The following ROBO2 variants were observed in gnomAD, a reference collection of about 807,000 sequenced individuals.
ROBO2 encodes the protein roundabout guidance receptor 2.
A neutral mutation model predicts 160.8 loss-of-function variants in ROBO2; 53 were observed. That is an observed-to-expected ratio of 0.33 (90% CI 0.26 to 0.41). The LOEUF is 0.41. Among genes scored for constraint, ROBO2 ranks in the 10% least tolerant of loss-of-function variants. The probability of loss-of-function intolerance (pLI) is 1.00; values close to 1 mark genes in which losing one functional copy is unlikely to be tolerated. For synonymous variants in ROBO2, 664 were observed against 611.7 expected (o/e 1.09, Z -1.26); for missense variants, 1,577 against 1,722.4 (o/e 0.92, Z 1.49).
At chr3:77,310,145 T>A (rs544304549) in intron 2 of ROBO2, among the ~76,000 whole-genome samples, 1 of 152,314 alleles carries the variant, frequency 6.6e-6, no homozygotes, top group South Asian at 2.1e-4. Flanking sequence ...TTACGTTTCC[T>A]TTAATGGATC....
In ROBO2 at chr3:76,833,998, C is replaced by T. The variant is rs866738324; in HGVS notation, c.110-264016C>T. 6.7e-3 allele frequency among the ~76,000 whole-genome samples: 130 copies of T among 19,390 alleles called. No individual in the cohort carries two copies. In the Middle Eastern group the frequency reaches 0.068, roughly 10 times the overall value. 12.7% of individuals were successfully genotyped at this position (19,390 alleles called of 152,430 possible). ...TTTCTTTTCTTTCTTTCTTTCTTTC[C>T]TTCTTTCTTTCTTTCCTTTCTTTCT... is the stretch of plus-strand genomic sequence containing the variant. On this transcript the variant is annotated intron_variant, in intron 2 of 26. Transcript: ENST00000487694.
In ROBO2 at chr3:76,096,697, T is replaced by G. The variant is rs144816790; in HGVS notation, c.109+159095T>G. ...TGCAAAACACTTGGTTTTACCAGTA[T>G]TGTCTCATTTAATCCTTACTACAAC... On this transcript the variant is annotated intron_variant, in intron 2 of 26. Transcript: ENST00000487694. Among the ~76,000 whole-genome samples, 853 of 152,350 alleles carry G rather than the reference T, an allele frequency of 5.6e-3. 13 individuals carry two copies. Among genetic ancestry groups the G allele is most frequent in the African/African-American group, 0.02 (813 of 41,578 alleles).
intron 2 of ROBO2, among the ~76,000 whole-genome samples, chr3:76,639,145 T>C (rs1193139968): frequency 1.3e-5 from 2 of 152,146 alleles, no homozygotes; most frequent in Non-Finnish European, 2.9e-5. Flanking sequence ...TATATGTATC[T>C]ATACATATGT....
At chr3:75,947,674 G>A (rs1948363773) in intron 2 of ROBO2, among the ~76,000 whole-genome samples, 1 of 152,112 alleles carries the variant, frequency 6.6e-6, no homozygotes, top group Non-Finnish European at 1.5e-5. Context: ...ATTTAAGCCT[G>A]AGTATAACAG....
rs369035945 is a variant in ROBO2, at chr3:77,228,551, G to C, written c.388+130211G>C. 2.6e-5 allele frequency among the ~76,000 whole-genome samples: 4 copies of C among 151,900 alleles called. No homozygotes were observed. The East Asian group carries it at 7.7e-4, about 29-fold the overall frequency. On this transcript the variant is annotated intron_variant, in intron 2 of 25. Coordinates refer to ENST00000461745, the Ensembl canonical transcript of ROBO2. ...AACAATGAGAACATATGGGCAGAGG[G>C]AGGGGAACATCACACACTGGGACCT...
At chr3:77,592,315 T>A (rs1314949873) in intron 17 of ROBO2, among the ~76,000 whole-genome samples, 1 of 152,144 alleles carries the variant, frequency 6.6e-6, no homozygotes, top group African/African-American at 2.4e-5. Context: ...ATAGAATATT[T>A]TGACACCCTA....
At position 76,602,772 on chromosome 3, in the gene ROBO2, G is replaced by T. The variant is rs576339247; in HGVS notation, c.110-495242G>T. ...AGTTACAATTCAAGATGAGATTTGG[G>T]TGGGGACTCCCACTGGGTTCCTCCC... On this transcript the variant is annotated intron_variant, in intron 2 of 26. Coordinates refer to the ROBO2 transcript ENST00000487694. Among the ~76,000 whole-genome samples the T allele has an allele frequency of 1.2e-3, 187 of 151,996 alleles. 1 individual carries two copies. Among genetic ancestry groups the T allele is most frequent in the African/African-American group, 4.2e-3 (174 of 41,440 alleles).
intron 2 of ROBO2, among the ~76,000 whole-genome samples, chr3:77,340,728 T>C (rs2066971484): frequency 6.6e-6 from 1 of 152,156 alleles, no homozygotes; most frequent in Admixed American, 6.6e-5. Flanking sequence ...GGTCATATTT[T>C]GCCCATGAAG....
intron 2 of ROBO2, among the ~76,000 whole-genome samples, chr3:76,964,533 C>T (rs2079926712): frequency 6.6e-6 from 1 of 152,066 alleles, no homozygotes; most frequent in South Asian, 2.1e-4. Flanking sequence ...TTAGTAGAGA[C>T]AGGGTTTTAC....
At chr3:76,318,900 G>A (rs1238487553) in intron 2 of ROBO2, among the ~76,000 whole-genome samples, 1 of 152,138 alleles carries the variant, frequency 6.6e-6, no homozygotes. Context: ...GTAATAAGGT[G>A]TTTGCCCAAG....
intron 21 of ROBO2, among the ~76,000 whole-genome samples, chr3:77,613,255 A>G (rs1432072336): frequency 6.6e-6 from 1 of 151,498 alleles, no homozygotes; most frequent in Non-Finnish European, 1.5e-5. Context: ...GTATATCCCC[A>G]TTAGATTTTC....
chr3:77,274,956 A>C (rs1443530238), intron 2 of ROBO2, among the ~76,000 whole-genome samples: 1 of 152,126 alleles, frequency 6.6e-6, no homozygotes, highest in African/African-American at 2.4e-5. Context: ...AAATTTGAAG[A>C]AGTAGAGGAT....
chr3:76,309,159 G>A (rs942303951), intron 2 of ROBO2, among the ~76,000 whole-genome samples: 1 of 152,192 alleles, frequency 6.6e-6, no homozygotes, highest in Non-Finnish European at 1.5e-5. Flanking sequence ...GAAGTTGGTG[G>A]TGAGGGAGTT....
intron 2 of ROBO2, among the ~76,000 whole-genome samples, chr3:77,189,469 A>C (rs933262588): frequency 2.0e-5 from 3 of 152,020 alleles, no homozygotes; most frequent in Non-Finnish European, 4.4e-5. Flanking sequence ...GGGTATGGGA[A>C]CATGCATCAC....
intron 2 of ROBO2, among the ~76,000 whole-genome samples, chr3:76,910,636 GAATC>G (rs1252603841): frequency 6.9e-6 from 1 of 144,694 alleles, no homozygotes; most frequent in African/African-American, 2.6e-5. Context: ...TGAGGCAGGA[GAATC>G]GCTTGAACCC....
At chr3:76,094,402 G>C (rs2069357114) in intron 2 of ROBO2, among the ~76,000 whole-genome samples, 1 of 152,196 alleles carries the variant, frequency 6.6e-6, no homozygotes, top group East Asian at 1.9e-4. Flanking sequence ...ACATGTGTTT[G>C]AGATTTTGTT....
intron 2 of ROBO2, among the ~76,000 whole-genome samples, chr3:77,236,336 G>A (rs987886922): frequency 3.9e-5 from 6 of 152,200 alleles, no homozygotes; most frequent in African/African-American, 1.4e-4. Flanking sequence ...CTAGGTTGCA[G>A]GCTTCACAGA....
chr3:76,570,154 T>TCTAATAAGCA (rs2084870156), intron 2 of ROBO2, among the ~76,000 whole-genome samples: 1 of 151,906 alleles, frequency 6.6e-6, no homozygotes, highest in Admixed American at 6.6e-5. Flanking sequence ...AAATAAAGAT[T>TCTAATAAGCA]CTAATAAGCA....
At chr3:76,280,879 T>G (rs182508787) in intron 2 of ROBO2, among the ~76,000 whole-genome samples, 2 of 151,908 alleles carry the variant, frequency 1.3e-5, no homozygotes, top group Middle Eastern at 3.2e-3. Context: ...ATGAATCTAG[T>G]GAAGGTTCTT....
Sources: gnomAD v4.1 joint callset for allele counts (sites outside exome capture counted in the v4.1 genomes callset) on GRCh38, gnomAD v4.1.1 for gene constraint, MANE v1.5 for transcripts, NCBI Gene and HGNC (gene_info 2026-07-23, HGNC 2026-07-21) for gene names.